The following CAST variants were observed in gnomAD, a reference collection of about 807,000 sequenced individuals.
CAST encodes calpastatin.
CAST carries 76 observed loss-of-function variants against 119.6 expected under a neutral mutation model. That is an observed-to-expected ratio of 0.64 (90% CI 0.53 to 0.77). CAST has a LOEUF of 0.77. Among genes scored for constraint, CAST ranks in the 30% least tolerant of loss-of-function variants. The pLI, the probability that CAST is intolerant of heterozygous loss-of-function variation, is 0.00. For synonymous variants in CAST, 319 were observed against 331.6 expected (o/e 0.96, Z 0.41); for missense variants, 953 against 946.5 (o/e 1.01, Z -0.09).
the CAST span, among the ~76,000 whole-genome samples, chr5:96,209,282 CTG>C: frequency 2.0e-5 from 3 of 152,088 alleles, no homozygotes; most frequent in Non-Finnish European, 2.9e-5. Context: ...ACTTGCCACT[CTG>C]TGCTTTTTAA....
intron 1 of CAST, among the ~76,000 whole-genome samples, chr5:96,672,845 A>G (rs572459999): frequency 1.6e-3 from 240 of 152,272 alleles, no homozygotes; most frequent in Non-Finnish European, 2.6e-3. Flanking sequence ...ATTGTGAGCA[A>G]CTTTTTCTTT....
chr5:96,490,069 C>G, the CAST span, among the ~76,000 whole-genome samples: 1 of 152,222 alleles, frequency 6.6e-6, no homozygotes, highest in Admixed American at 6.5e-5. Flanking sequence ...AAGCAGAATT[C>G]TAGCTTCACA....
the CAST span, among the ~76,000 whole-genome samples, chr5:95,997,855 C>A: frequency 2.0e-5 from 3 of 151,716 alleles, no homozygotes; most frequent in East Asian, 5.8e-4. Context: ...TGAATAAGGA[C>A]TCTATAAAAA....
rs367741926 is a variant in CAST, at chr5:96,671,108, T to C, written c.76-4431T>C. ...AGGGGGTGAAAACAGTTTGGAAAATTATTCCTTCTTGAGTTAAGATAGCAA... is the reference window on the plus strand; with the variant it reads ...AGGGGGTGAAAACAGTTTGGAAAATCATTCCTTCTTGAGTTAAGATAGCAA... On this transcript the variant is annotated intron_variant, in intron 1 of 31. Coordinates refer to ENST00000675179, the MANE Select transcript of CAST (RefSeq NM_001750.7). Among the ~76,000 whole-genome samples the C allele has an allele frequency of 1.4e-4, 21 of 152,310 alleles. 1 individual carries two copies. In the East Asian group the frequency reaches 3.5e-3, roughly 25 times the overall value.
the CAST span, among the ~76,000 whole-genome samples, chr5:96,263,056 C>T: frequency 6.6e-6 from 1 of 152,208 alleles, no homozygotes; most frequent in Non-Finnish European, 1.5e-5. Flanking sequence ...TTAGCCCTGA[C>T]TGTGTTGGAA....
At chr5:96,617,122 A>G (rs1035316569) in intron 1 of CAST, among the ~76,000 whole-genome samples, 13 of 152,168 alleles carry the variant, frequency 8.5e-5, no homozygotes, top group African/African-American at 3.1e-4. Context: ...TTTATTTAAA[A>G]ATTCCCAAGT....
At chr5:96,637,834 G>T (rs992410678) in intron 1 of CAST, among the ~76,000 whole-genome samples, 18 of 152,082 alleles carry the variant, frequency 1.2e-4, no homozygotes, top group African/African-American at 3.1e-4. Context: ...ACAATATTTT[G>T]TCTATCTAAA....
chr5:96,461,356 G>T, the CAST span, among the ~76,000 whole-genome samples: 22 of 151,972 alleles, frequency 1.4e-4, no homozygotes, highest in Non-Finnish European at 2.6e-4. Flanking sequence ...ACTTCTTTTT[G>T]GTTATCTTGG....
At chr5:96,571,451 A>T (rs930558166) in intron 1 of CAST, among the ~76,000 whole-genome samples, 1 of 152,224 alleles carries the variant, frequency 6.6e-6, no homozygotes, top group Admixed American at 6.5e-5. Context: ...AAAATATTTC[A>T]TAGTTATTGA....
At chr5:96,445,569 T>C in the CAST span, among the ~76,000 whole-genome samples, 1 of 152,334 alleles carries the variant, frequency 6.6e-6, no homozygotes, top group East Asian at 1.9e-4. Context: ...ATACAGTTTC[T>C]TCATAGATTT....
upstream of CAST, among the ~76,000 whole-genome samples, chr5:96,657,652 G>A (rs563358705): frequency 3.9e-5 from 6 of 152,272 alleles, no homozygotes; most frequent in African/African-American, 7.2e-5. Flanking sequence ...GCAGTTGGCT[G>A]TACAGATATT....
At chr5:96,357,009 G>C in the CAST span, among the ~76,000 whole-genome samples, 2 of 152,078 alleles carry the variant, frequency 1.3e-5, no homozygotes, top group African/African-American at 4.8e-5. Flanking sequence ...TCATTTCCTT[G>C]AGCAGTGGTT....
At chr5:96,366,900 C>T in the CAST span, among the ~76,000 whole-genome samples, 12 of 152,294 alleles carry the variant, frequency 7.9e-5, no homozygotes, top group Middle Eastern at 6.8e-3. Flanking sequence ...GGGGGAGAGG[C>T]GCTCTGATTT....
chr5:96,124,540 A>G, the CAST span, among the ~76,000 whole-genome samples: 1 of 152,132 alleles, frequency 6.6e-6, no homozygotes, highest in Non-Finnish European at 1.5e-5. Flanking sequence ...ATTTACTTGT[A>G]ATTCATTATA....
At chr5:96,215,957 G>A in the CAST span, among the ~76,000 whole-genome samples, 45 of 152,018 alleles carry the variant, frequency 3.0e-4, no homozygotes, top group African/African-American at 9.2e-4. Flanking sequence ...ACAGGCACAC[G>A]CCACCACACC....
chr5:96,451,075 A>G, the CAST span, among the ~76,000 whole-genome samples: 3 of 152,032 alleles, frequency 2.0e-5, no homozygotes, highest in Non-Finnish European at 4.4e-5. Context: ...GATTCCTCCA[A>G]TCTTTCCTTG....
chr5:96,208,224 A>G, the CAST span, among the ~76,000 whole-genome samples: 2 of 112,454 alleles, frequency 1.8e-5, no homozygotes. Flanking sequence ...TTTTTCCTTT[A>G]TTAGTCTAAC....
At chr5:96,037,680 A>G in the CAST span, among the ~76,000 whole-genome samples, 55 of 152,106 alleles carry the variant, frequency 3.6e-4, no homozygotes, top group Admixed American at 3.5e-3. Context: ...CTGTGACATC[A>G]CAAAAACCCC....
At chr5:96,187,300 C>T in the CAST span, among the ~76,000 whole-genome samples, 1 of 151,810 alleles carries the variant, frequency 6.6e-6, no homozygotes, top group African/African-American at 2.4e-5. Flanking sequence ...AAAAACAGCT[C>T]CTGATTTGTT....
Sources: allele counts gnomAD v4.1 joint callset (sites outside exome capture counted in the v4.1 genomes callset), GRCh38; gene constraint gnomAD v4.1.1; transcripts MANE v1.5; gene names NCBI Gene and HGNC (gene_info 2026-07-23, HGNC 2026-07-21).